The following HOXC13 variants were observed in gnomAD, a reference collection of about 807,000 sequenced individuals.
HOXC13 encodes the protein homeobox C13.
A neutral mutation model predicts 25.9 loss-of-function variants in HOXC13; 10 were observed. That is an observed-to-expected ratio of 0.39 (90% CI 0.24 to 0.65). HOXC13 has a LOEUF of 0.65. HOXC13 is among the 30% of genes least tolerant of loss of function. The probability of loss-of-function intolerance (pLI) is 0.50; values close to 1 mark genes in which losing one functional copy is unlikely to be tolerated. For synonymous variants in HOXC13, 233 were observed against 217.1 expected (o/e 1.07, Z -0.64); for missense variants, 439 against 478.3 (o/e 0.92, Z 0.77).
intron 1 of HOXC13, among the ~76,000 whole-genome samples, chr12:53,940,811 G>T (rs1005583791): frequency 2.0e-5 from 3 of 152,136 alleles, no homozygotes; most frequent in African/African-American, 7.2e-5. Context: ...GATGTCTCCC[G>T]ACAGTGCCCA....
At position 53,939,540 on chromosome 12, in the gene HOXC13, G is replaced by A. The variant is rs774742221; in HGVS notation, c.634G>A (p.Glu212Lys). Residue 212 changes from glutamate (E) to lysine (K), a missense_variant, in exon 1 of 2, where the codon GAA becomes AAA. Transcript: ENST00000243056. The surrounding 1 kb of genome is among the most constrained non-coding windows in gnomAD (Gnocchi z 6.7). ...EPRHDALIPV[E>K]GYQHWALSNG... ...GCGTCACGACGCCCTCATCCCCGTC[G>A]AAGGCTACCAGCACTGGGCTCTCTC... is the stretch of plus-strand genomic sequence containing the variant. 2 of 1,612,298 alleles carry A rather than the reference G, an allele frequency of 1.2e-6. No individual in the cohort carries two copies. Among genetic ancestry groups the A allele is most frequent in the Admixed American group, 1.7e-5 (1 of 59,984 alleles).
rs1459983200 is a variant in HOXC13 at position 53,939,056 on chromosome 12, C to T, written c.150C>T (p.Ser50=). Residue 50 remains serine, a synonymous_variant, in exon 1 of 2, where the codon AGC becomes AGT. Transcript: ENST00000243056. The surrounding 1 kb of genome is among the most constrained non-coding windows in gnomAD (Gnocchi z 6.7). The part of the protein sequence containing the change: ...GGAGGGCSGA[S]PGKAPSMDGL... ...CGGGGGGTGGCTGCAGCGGAGCGAG[C>T]CCCGGCAAAGCCCCGAGCATGGATG... 4 of 1,438,898 alleles carry T rather than the reference C, an allele frequency of 2.8e-6. No individual in the cohort carries two copies. Among genetic ancestry groups the T allele is most frequent in the African/African-American group, 3.0e-5 (2 of 66,860 alleles). 89.1% of individuals were successfully genotyped at this position (1,438,898 alleles called of 1,614,324 possible).
rs1938680980 is a variant in HOXC13 at position 53,945,529 on chromosome 12, TC to T, written c.*274del. ...CGAGTGGGCCGTGCGAGGAAGGCTG[TC>T]GACCTCTACTCCTCCTTGCGCTCAC... On this transcript the variant is annotated 3_prime_UTR_variant, in exon 2 of 2. Transcript: ENST00000243056. The surrounding 1 kb of genome is among the most constrained non-coding windows in gnomAD (Gnocchi z 4.4). The T allele has an allele frequency of 1.9e-6, 1 of 516,014 alleles. No individual in the cohort carries two copies. The highest frequency in any genetic ancestry group is 3.5e-6 in the Non-Finnish European group (1 of 285,008). 32.0% of individuals were successfully genotyped at this position (516,014 alleles called of 1,614,324 possible).
At chr12:53,944,026 C>T (rs1209855241) in intron 1 of HOXC13, among the ~76,000 whole-genome samples, 1 of 152,052 alleles carries the variant, frequency 6.6e-6, no homozygotes, top group Non-Finnish European at 1.5e-5. Context: ...ATTCTCAGAG[C>T]CTAAAGAAAC....
At chr12:53,941,369 A>G (rs796514064) in intron 1 of HOXC13, among the ~76,000 whole-genome samples, 61 of 152,358 alleles carry the variant, frequency 4.0e-4, no homozygotes, top group African/African-American at 1.4e-3. Flanking sequence ...GCTAAGGGGT[A>G]AGGGATCAGG....
chr12:53,942,932 CA>C (rs1222455692), intron 1 of HOXC13, among the ~76,000 whole-genome samples: 2 of 152,038 alleles, frequency 1.3e-5, no homozygotes, highest in African/African-American at 4.8e-5. Context: ...TTTAGGAAAC[CA>C]AAATTGGATA....
chr12:53,939,549 C>G lies in HOXC13; in HGVS notation c.643C>G (p.Gln215Glu). ...CGCCCTCATCCCCGTCGAAGGCTAC[C>G]AGCACTGGGCTCTCTCCAATGGCTG... ...HDALIPVEGYQHWALSNGWDS... is the reference protein window; with the variant it reads ...HDALIPVEGYEHWALSNGWDS... Residue 215 changes from glutamine (Q) to glutamate (E), a missense_variant, in exon 1 of 2, where the codon CAG becomes GAG. Physicochemically the swap from Gln to Glu is conservative, Grantham distance 29 (BLOSUM62 2). Transcript: ENST00000243056. This position sits in a 1 kb window ranked among gnomAD's most constrained non-coding sequence, Gnocchi z 6.7. 6.2e-7 allele frequency: 1 copy of G among 1,612,198 alleles called. No homozygotes were observed. The highest frequency in any genetic ancestry group is 8.5e-7 in the Non-Finnish European group (1 of 1,179,758).
rs929096037 is a variant in HOXC13, at chr12:53,939,753, G to T, written c.736+111G>T. 1 of 1,226,944 alleles carries T rather than the reference G, an allele frequency of 8.2e-7. No individual in the cohort carries two copies. The highest frequency in any genetic ancestry group is 3.4e-5 in the East Asian group (1 of 29,202). The allele number at this position is 1,226,944 out of a possible 1,614,324, so 76.0% of individuals were successfully genotyped here. ...CCGTCTGGCCCCGGCGCGCCCGCTC[G>T]GCTGGGCTGCCTATGGAGCCGGCCG... On this transcript the variant is annotated intron_variant, in intron 1 of 1. Transcript: ENST00000243056. This position sits in a 1 kb window ranked among gnomAD's most constrained non-coding sequence, Gnocchi z 6.7.
At position 53,938,833 on chromosome 12, in the gene HOXC13, A is replaced by G; in HGVS notation, c.-74A>G. The stretch of plus-strand genomic sequence containing the variant: ...GAGGGGAGGGATGGGGGGAGGGGAA[A>G]CAGGAGCGAGGTGTCTCCCTAGCTC... On this transcript the variant is annotated 5_prime_UTR_variant, in exon 1 of 2. Transcript: ENST00000243056. 3 of 1,310,708 alleles carry G rather than the reference A, an allele frequency of 2.3e-6. No homozygotes were observed. The highest frequency in any genetic ancestry group is 3.1e-6 in the Non-Finnish European group (3 of 981,974). 81.2% of individuals were successfully genotyped at this position (1,310,708 alleles called of 1,614,324 possible).
chr12:53,940,308 G>A (rs949866671), intron 1 of HOXC13, among the ~76,000 whole-genome samples: 10 of 152,150 alleles, frequency 6.6e-5, no homozygotes, highest in African/African-American at 2.4e-4. Context: ...AGTTTTCCTT[G>A]CCTCTTTGGT....
rs997205732 is a variant in HOXC13, at chr12:53,945,334, G to A, written c.*78G>A. On this transcript the variant is annotated 3_prime_UTR_variant, in exon 2 of 2. Coordinates refer to ENST00000243056, the MANE Select transcript of HOXC13 (RefSeq NM_017410.3). The surrounding 1 kb of genome is among the most constrained non-coding windows in gnomAD (Gnocchi z 4.4). The stretch of plus-strand genomic sequence containing the variant: ...CCGAACCCACGGAAAGACGCTGCGC[G>A]GGTGCAGAAGAGTATTTAATGTTAA... 56 of 1,525,128 alleles carry A rather than the reference G, an allele frequency of 3.7e-5. No individual in the cohort carries two copies. Among genetic ancestry groups the A allele is most frequent in the Admixed American group, 5.4e-5 (3 of 55,928 alleles). 94.5% of individuals were successfully genotyped at this position (1,525,128 alleles called of 1,614,324 possible). A position where few individuals can be genotyped will look rare whatever the true frequency, so the allele number is the denominator to read the frequency against.
At position 53,945,055 on chromosome 12, in the gene HOXC13, C is replaced by A; in HGVS notation, c.792C>A (p.Arg264=). The part of the protein sequence containing the change: ...VSSYRRGRKK[R]VPYTKVQLKE... ...GCTACCGGCGCGGGCGCAAGAAACG[C>A]GTGCCCTACACTAAGGTGCAGCTGA... The change falls in exon 2 of 2, where the codon CGC becomes CGA. Residue 264 remains arginine, a synonymous_variant. Coordinates refer to ENST00000243056, the MANE Select transcript of HOXC13 (RefSeq NM_017410.3). The surrounding 1 kb of genome is among the most constrained non-coding windows in gnomAD (Gnocchi z 4.4). 1 of 1,614,052 alleles carries A rather than the reference C, an allele frequency of 6.2e-7. No homozygotes were observed. The highest frequency in any genetic ancestry group is 8.5e-7 in the Non-Finnish European group (1 of 1,179,990).
intron 1 of HOXC13, among the ~76,000 whole-genome samples, chr12:53,942,659 C>A (rs536290516): frequency 1.6e-4 from 25 of 152,252 alleles, no homozygotes; most frequent in African/African-American, 5.5e-4. Context: ...GTCCAAGCTA[C>A]CAGATGTTTC....
At position 53,939,004 on chromosome 12, in the gene HOXC13, G is replaced by A; in HGVS notation, c.98G>A (p.Gly33Glu). 3 of 1,497,654 alleles carry A rather than the reference G, an allele frequency of 2.0e-6. No individual in the cohort carries two copies. Among genetic ancestry groups the A allele is most frequent in the Non-Finnish European group, 2.7e-6 (3 of 1,130,094 alleles). The allele number at this position is 1,497,654 out of a possible 1,614,324, so 92.8% of individuals were successfully genotyped here. Residue 33 changes from glycine (G) to glutamate (E), a missense_variant, in exon 1 of 2, where the codon GGA becomes GAA. Transcript: ENST00000243056. This position sits in a 1 kb window ranked among gnomAD's most constrained non-coding sequence, Gnocchi z 6.7. ...AAESGIGGGG[G>E]GGGGGTGGAG... is the part of the protein sequence containing the mutation. ...GAGAGCGGCATCGGCGGCGGCGGCG[G>A]AGGAGGAGGCGGCGGCACGGGCGGA...
Position 53,939,048 on chromosome 12 carries a change from G to A in HOXC13, c.142G>A (p.Gly48Arg). ...GTGGAGGGCS[G>R]ASPGKAPSMD... ...GGGCGGAGCGGGGGGTGGCTGCAGC[G>A]GAGCGAGCCCCGGCAAAGCCCCGAG... Residue 48 changes from glycine (G) to arginine (R), a missense_variant, in exon 1 of 2, where the codon GGA becomes AGA. By Grantham distance (125) the Gly-to-Arg change is moderately radical. Transcript: ENST00000243056. This position sits in a 1 kb window ranked among gnomAD's most constrained non-coding sequence, Gnocchi z 6.7. The A allele has an allele frequency of 6.9e-7, 1 of 1,444,930 alleles. No individual in the cohort carries two copies. Among genetic ancestry groups the A allele is most frequent in the East Asian group, 2.9e-5 (1 of 34,944 alleles). The allele number at this position is 1,444,930 out of a possible 1,614,324, so 89.5% of individuals were successfully genotyped here. A position where few individuals can be genotyped will look rare whatever the true frequency, so the allele number is the denominator to read the frequency against.
chr12:53,943,350 G>C (rs1418208710), intron 1 of HOXC13, among the ~76,000 whole-genome samples: 1 of 152,132 alleles, frequency 6.6e-6, no homozygotes, highest in East Asian at 1.9e-4. Context: ...CCCAAATCAT[G>C]GTTACCTCTG....
chr12:53,939,794 G>A lies in HOXC13; in HGVS notation c.736+152G>A, dbSNP rs1938580620. On this transcript the variant is annotated intron_variant, in intron 1 of 1. Coordinates refer to ENST00000243056, the MANE Select transcript of HOXC13 (RefSeq NM_017410.3). This position sits in a 1 kb window ranked among gnomAD's most constrained non-coding sequence, Gnocchi z 6.7. ...GAGCCGGCCGGGCGAGCTGCACTGA[G>A]GAATGCGCCGGGGAAGAAATCTGCT... is the stretch of plus-strand genomic sequence containing the variant. 4 of 1,027,352 alleles carry A rather than the reference G, an allele frequency of 3.9e-6. No individual in the cohort carries two copies. The highest frequency in any genetic ancestry group is 4.9e-6 in the Non-Finnish European group (4 of 808,194). 63.6% of individuals were successfully genotyped at this position (1,027,352 alleles called of 1,614,324 possible). A position where few individuals can be genotyped will look rare whatever the true frequency, so the allele number is the denominator to read the frequency against.
Position 53,939,577 on chromosome 12 carries a change from A to G in HOXC13, c.671A>G (p.Asp224Gly). The G allele has an allele frequency of 1.2e-6, 2 of 1,610,184 alleles. No individual in the cohort carries two copies. Among genetic ancestry groups the G allele is most frequent in the African/African-American group, 2.7e-5 (2 of 74,932 alleles). The part of the protein sequence containing the change: ...YQHWALSNGW[D>G]SQVYCSKEQS... Reference sequence around the variant, plus strand: ...CACTGGGCTCTCTCCAATGGCTGGGACAGTCAGGTGTACTGCTCCAAGGAG... The same window carrying G: ...CACTGGGCTCTCTCCAATGGCTGGGGCAGTCAGGTGTACTGCTCCAAGGAG... Residue 224 changes from aspartate (D) to glycine (G), a missense_variant, in exon 1 of 2, where the codon GAC becomes GGC. By Grantham distance (94) the Asp-to-Gly change is moderately conservative. Coordinates refer to ENST00000243056, the MANE Select transcript of HOXC13 (RefSeq NM_017410.3). The surrounding 1 kb of genome is among the most constrained non-coding windows in gnomAD (Gnocchi z 6.7).
chr12:53,941,329 G>A (rs1349497774), intron 1 of HOXC13, among the ~76,000 whole-genome samples: 1 of 152,216 alleles, frequency 6.6e-6, no homozygotes. Context: ...GAATTCCTGG[G>A]GCAGGGAAGC....
Sources: allele counts gnomAD v4.1 joint callset (sites outside exome capture counted in the v4.1 genomes callset), GRCh38; gene constraint gnomAD v4.1.1; non-coding constraint Gnocchi (gnomAD v3.1); transcripts MANE v1.5; gene names NCBI Gene and HGNC (gene_info 2026-07-23, HGNC 2026-07-21).